The following COL5A2 variants were observed in gnomAD, a reference collection of about 807,000 sequenced individuals.
COL5A2 encodes collagen alpha-2(V) chain.
Under a neutral mutation model 208.2 loss-of-function variants are expected in COL5A2, and 23 were observed. The observed-to-expected ratio is 0.11, with a 90% CI of 0.08 to 0.16. The LOEUF is 0.16. Among genes scored for constraint, COL5A2 ranks in the 10% least tolerant of loss-of-function variants. The probability of loss-of-function intolerance (pLI) is 1.00; values close to 1 mark genes in which losing one functional copy is unlikely to be tolerated. For missense variants in COL5A2, 1,590 were observed against 1,956.4 expected (o/e 0.81, Z 3.53); for synonymous variants, 625 against 628.5 (o/e 0.99, Z 0.08).
the COL5A2 span, among the ~76,000 whole-genome samples, chr2:189,433,575 A>C: frequency 2.0e-5 from 3 of 152,240 alleles, no homozygotes; most frequent in Non-Finnish European, 4.4e-5. Context: ...TAAACTAGAA[A>C]ATCTAGAAGA....
intron 50 of COL5A2, 33 bp downstream of exon 50, chr2:189,041,553 G>T: frequency 6.8e-7 from 1 of 1,470,176 alleles, no homozygotes. Flanking sequence ...TGAATAAATA[G>T]CATTTCTTGC....
chr2:189,324,375 G>A, the COL5A2 span, among the ~76,000 whole-genome samples: 1 of 152,160 alleles, frequency 6.6e-6, no homozygotes, highest in Non-Finnish European at 1.5e-5. Flanking sequence ...AGAGTGAACA[G>A]GCAACCTACA....
At chr2:189,352,130 T>C in the COL5A2 span, among the ~76,000 whole-genome samples, 1 of 152,172 alleles carries the variant, frequency 6.6e-6, no homozygotes, top group Non-Finnish European at 1.5e-5. Context: ...GGACATGAAG[T>C]CATCCTTTTT....
At chr2:189,355,892 T>C in the COL5A2 span, among the ~76,000 whole-genome samples, 1 of 152,196 alleles carries the variant, frequency 6.6e-6, no homozygotes, top group Non-Finnish European at 1.5e-5. Flanking sequence ...TACAATTTGG[T>C]ATGTTTTTGC....
At chr2:189,052,074 C>T (rs1685801434) in intron 41 of COL5A2, 98 bp downstream of exon 41, 1 of 975,960 alleles carries the variant, frequency 1.0e-6, no homozygotes, top group Non-Finnish European at 1.5e-6. Context: ...GAAAACATAC[C>T]ATTAAGAAAT....
At position 189,053,896 on chromosome 2, in the gene COL5A2, G is replaced by A. The variant is rs116298748; in HGVS notation, c.2498C>T (p.Pro833Leu). ...LVGPPGSRGNPGSRGENGPTG... is the reference protein window; with the variant it reads ...LVGPPGSRGNLGSRGENGPTG... Reference sequence around the variant, plus strand: ...GAACACCAAAATACTGTCACTTACAGGATTGCCCCGGGAGCCAGGAGGGCC... The same window carrying A: ...GAACACCAAAATACTGTCACTTACAAGATTGCCCCGGGAGCCAGGAGGGCC... Residue 833 changes from proline (P) to leucine (L), a missense_variant and splice_region_variant, in exon 37 of 54, where the codon CCT (proline) becomes CTT (leucine). Transcript: ENST00000374866. 32,930 of 1,613,182 alleles carry A rather than the reference G, an allele frequency of 0.02. 426 individuals are homozygous for A. The highest frequency in any genetic ancestry group is 0.022 in the Non-Finnish European group (26,524 of 1,179,240).
At chr2:189,298,861 A>C in the COL5A2 span, among the ~76,000 whole-genome samples, 1 of 152,182 alleles carries the variant, frequency 6.6e-6, no homozygotes, top group Non-Finnish European at 1.5e-5. Flanking sequence ...TATTCATTTC[A>C]TATAAGTGAA....
At chr2:189,260,870 T>C in the COL5A2 span, among the ~76,000 whole-genome samples, 11 of 152,182 alleles carry the variant, frequency 7.2e-5, no homozygotes, top group Non-Finnish European at 1.2e-4. Flanking sequence ...ACACTATTAT[T>C]CTCCTTCCAT....
the COL5A2 span, chr2:189,311,929 C>T: frequency 1.3e-6 from 1 of 791,974 alleles, no homozygotes; most frequent in Non-Finnish European, 2.2e-6. Context: ...CCTTGAGAGC[C>T]TCGATCTCTG....
In COL5A2 at chr2:189,207,241, A is replaced by G. The variant is rs1689153508; in HGVS notation, c.-42+17907T>C. ...GTGAATTGGAGTTTCATATTATGGT[A>G]TTTTCAAAAATTGGCTGCATTTTCT... On this transcript the variant is annotated intron_variant, in intron 1 of 10. Coordinates refer to the COL5A2 transcript ENST00000649966. 2.0e-5 allele frequency among the ~76,000 whole-genome samples: 3 copies of G among 152,116 alleles called. No individual in the cohort carries two copies. In the South Asian group the frequency reaches 6.2e-4, roughly 32 times the overall value.
At chr2:189,322,042 T>A in the COL5A2 span, among the ~76,000 whole-genome samples, 2 of 152,192 alleles carry the variant, frequency 1.3e-5, no homozygotes, top group African/African-American at 4.8e-5. Context: ...ACCACTCAAT[T>A]ACATGGAAAC....
intron 45 of COL5A2, 66 bp downstream of exon 45, chr2:189,048,143 G>T: frequency 7.0e-7 from 1 of 1,432,336 alleles, no homozygotes; most frequent in Non-Finnish European, 9.8e-7. Flanking sequence ...ACAGTTTTTA[G>T]TGTAAATTAA....
At chr2:189,331,312 C>T in the COL5A2 span, among the ~76,000 whole-genome samples, 2 of 152,044 alleles carry the variant, frequency 1.3e-5, no homozygotes, top group Non-Finnish European at 2.9e-5. Context: ...AGATGGATCA[C>T]GAGGTCAGGA....
At chr2:189,052,151 T>A (rs1685803148) in intron 41 of COL5A2, 21 bp downstream of exon 41, 2 of 1,607,136 alleles carry the variant, frequency 1.2e-6, no homozygotes, top group Non-Finnish European at 1.7e-6. Flanking sequence ...ATCAGTGACT[T>A]GTCTCACTAA....
At chr2:189,336,184 A>G in the COL5A2 span, among the ~76,000 whole-genome samples, 1 of 152,204 alleles carries the variant, frequency 6.6e-6, no homozygotes, top group Non-Finnish European at 1.5e-5. Context: ...TAAAGCCACA[A>G]TGTGATAAAA....
At chr2:189,426,094 T>C in the COL5A2 span, among the ~76,000 whole-genome samples, 6 of 152,250 alleles carry the variant, frequency 3.9e-5, no homozygotes, top group South Asian at 2.1e-4. Flanking sequence ...AACTGGGTAA[T>C]GGGCAGGTTG....
chr2:189,066,258 C>T (rs1187573187), intron 23 of COL5A2, 132 bp downstream of exon 23: 11 of 869,744 alleles, frequency 1.3e-5, no homozygotes, highest in African/African-American at 6.6e-5. Flanking sequence ...TCTATTTGCA[C>T]ATAACTGTAC....
intron 42 of COL5A2, 40 bp downstream of exon 42, chr2:189,051,280 C>T: frequency 6.2e-7 from 1 of 1,612,784 alleles, no homozygotes. Context: ...TTGTAAATAT[C>T]TCAGTTGAAG....
At chr2:189,353,696 G>A in the COL5A2 span, among the ~76,000 whole-genome samples, 1 of 152,186 alleles carries the variant, frequency 6.6e-6, no homozygotes, top group African/African-American at 2.4e-5. Flanking sequence ...GGGCTGAGAG[G>A]ATGGGGTTTT....
Sources: gnomAD v4.1 joint callset for allele counts (sites outside exome capture counted in the v4.1 genomes callset) on GRCh38, gnomAD v4.1.1 for gene constraint, MANE v1.5 for transcripts, NCBI Gene and HGNC (gene_info 2026-07-23, HGNC 2026-07-21) for gene names.